UHRF2: variants seen among roughly 807,000 people sequenced by gnomAD.
UHRF2 encodes ubiquitin like with PHD and ring finger domains 2.
UHRF2 carries 23 observed loss-of-function variants against 96.8 expected under a neutral mutation model. That is an observed-to-expected ratio of 0.24 (90% CI 0.17 to 0.34). The LOEUF is 0.34. Among genes scored for constraint, UHRF2 ranks in the 10% least tolerant of loss-of-function variants. UHRF2 has a pLI of 1.00. For missense variants in UHRF2, 685 were observed against 981.5 expected (o/e 0.70, Z 4.04); for synonymous variants, 385 against 332.6 (o/e 1.16, Z -1.72).
At chr9:6,495,315 C>T (rs1164216359) in intron 10 of UHRF2, 1 of 152,150 alleles carries the variant, frequency 6.6e-6, no homozygotes, top group East Asian at 1.9e-4. Flanking sequence ...GAAATATCAA[C>T]TGAAAACAAT....
At chr9:6,466,593 T>A (rs1292354414) in intron 4 of UHRF2, among the ~76,000 whole-genome samples, 1 of 149,486 alleles carries the variant, frequency 6.7e-6, no homozygotes, top group South Asian at 2.1e-4. Flanking sequence ...CATTTTAGGT[T>A]CAGTGTCATT....
chr9:6,476,211 CTAT>C (rs1379283389), intron 5 of UHRF2, among the ~76,000 whole-genome samples: 2 of 152,106 alleles, frequency 1.3e-5, no homozygotes, highest in African/African-American at 4.8e-5. Context: ...TGAAAGGATT[CTAT>C]TATTTTTTAT....
At chr9:6,486,096 C>T (rs945322126) in intron 8 of UHRF2, among the ~76,000 whole-genome samples, 1 of 152,112 alleles carries the variant, frequency 6.6e-6, no homozygotes, top group African/African-American at 2.4e-5. Flanking sequence ...GGTAATAAAT[C>T]ATGTTGACTT....
intron 9 of UHRF2, among the ~76,000 whole-genome samples, chr9:6,488,394 A>T (rs1824442436): frequency 6.6e-6 from 1 of 150,652 alleles, no homozygotes; most frequent in African/African-American, 2.4e-5. Context: ...CAGAACCAGG[A>T]TATTGACACT....
At chr9:6,455,300 C>A (rs1161796136) in intron 3 of UHRF2, among the ~76,000 whole-genome samples, 3 of 152,140 alleles carry the variant, frequency 2.0e-5, no homozygotes, top group Non-Finnish European at 2.9e-5. Context: ...CTCTCCACCC[C>A]ACAACAGGCC....
chr9:6,424,657 G>A (rs1563744301), intron 2 of UHRF2, among the ~76,000 whole-genome samples: 2 of 151,846 alleles, frequency 1.3e-5, no homozygotes, highest in Non-Finnish European at 2.9e-5. Flanking sequence ...TGAAATTAAT[G>A]ACCCATATTT....
intron 8 of UHRF2, 67 bp from the exon 9 acceptor site, chr9:6,486,754 A>G (rs1824312939): frequency 6.7e-7 from 1 of 1,494,544 alleles, no homozygotes; most frequent in Non-Finnish European, 9.2e-7. Flanking sequence ...AATATATATG[A>G]AAGCATTTTG....
rs1171978950 is a variant in UHRF2, at chr9:6,487,182, C to CTTTTTTTTTTTTTTTT, written c.1497+267_1497+282dup. ...TCTATAGAGCTTTTATTTTTTTTTC[C>CTTTTTTTTTTTTTTTT]TTTTTTTTTTTTTTTTTTTTTTTTT... On this transcript the variant is annotated intron_variant, in intron 9 of 15. Transcript: ENST00000276893. 1.1e-3 allele frequency among the ~76,000 whole-genome samples: 74 copies of CTTTTTTTTTTTTTTTT among 69,586 alleles called. 4 individuals carry two copies. Among genetic ancestry groups the CTTTTTTTTTTTTTTTT allele is most frequent in the African/African-American group, 1.5e-3 (24 of 15,546 alleles). The allele number at this position is 69,586 out of a possible 152,430, so 45.7% of individuals were successfully genotyped here.
In UHRF2 at chr9:6,460,670, G is replaced by A. The variant is rs1343572579; in HGVS notation, c.742G>A (p.Val248Ile). The A allele has an allele frequency of 1.7e-5, 27 of 1,613,702 alleles. No individual in the cohort carries two copies. The highest frequency in any genetic ancestry group is 2.2e-5 in the Non-Finnish European group (26 of 1,179,978). ...KWNELNVGDV[V>I]MVNYNVESPG... ...GAATGAACTAAATGTTGGTGATGTG[G>A]TAATGGTTAATTATAATGTAGAAAG... is the stretch of plus-strand genomic sequence containing the variant. Residue 248 changes from valine to isoleucine, a missense_variant, in exon 4 of 16, where the codon GTA (valine) becomes ATA (isoleucine). Val to Ile is a conservative substitution (Grantham distance 29). Around this residue, in one of 6 missense-constraint regions of UHRF2, gnomAD observed 391 missense variants for 437.0 expected, o/e 0.89. Coordinates refer to ENST00000276893, the MANE Select transcript of UHRF2 (RefSeq NM_152896.3).
At chr9:6,471,480 A>G (rs774940111) in intron 4 of UHRF2, among the ~76,000 whole-genome samples, 26 of 152,142 alleles carry the variant, frequency 1.7e-4, no homozygotes, top group Non-Finnish European at 3.1e-4. Flanking sequence ...GTGATGCTGT[A>G]CCACTTCAAG....
intron 9 of UHRF2, among the ~76,000 whole-genome samples, chr9:6,488,069 T>G (rs1404668322): frequency 6.6e-6 from 1 of 150,936 alleles, no homozygotes; most frequent in African/African-American, 2.4e-5. Context: ...GGCAAAGCCC[T>G]GTCCCTACCA....
chr9:6,505,538 C>G (rs1816538195), intron 15 of UHRF2, among the ~76,000 whole-genome samples: 1 of 152,194 alleles, frequency 6.6e-6, no homozygotes. Context: ...CTAAGGTGAT[C>G]CACCTGCCTC....
intron 3 of UHRF2, among the ~76,000 whole-genome samples, chr9:6,456,366 C>T (rs1822175832): frequency 6.6e-6 from 1 of 152,106 alleles, no homozygotes; most frequent in African/African-American, 2.4e-5. Flanking sequence ...ATCCTTTGCC[C>T]ACTTTTTGAT....
At chr9:6,434,326 A>C in intron 3 of UHRF2, 153 bp downstream of exon 3, 1 of 857,092 alleles carries the variant, frequency 1.2e-6, no homozygotes, top group South Asian at 2.1e-5. Flanking sequence ...TTGTACTCTA[A>C]TTTAAAGGTC....
At chr9:6,435,955 G>C (rs1443335601) in intron 3 of UHRF2, among the ~76,000 whole-genome samples, 4 of 152,140 alleles carry the variant, frequency 2.6e-5, no homozygotes, top group African/African-American at 7.2e-5. Context: ...TTAAGAACTT[G>C]TCTTGAGGGT....
chr9:6,426,277 A>G lies in UHRF2; in HGVS notation c.384+5135A>G, dbSNP rs1244586637. On this transcript the variant is annotated intron_variant, in intron 2 of 15. Transcript: ENST00000276893. Reference sequence around the variant, plus strand: ...CTATTTGACATCTCTTCTATTTCCTATTACTATGTGGTATAGATGTTAAAG... The same window carrying G: ...CTATTTGACATCTCTTCTATTTCCTGTTACTATGTGGTATAGATGTTAAAG... Among the ~76,000 whole-genome samples, 7 of 152,276 alleles carry G rather than the reference A, an allele frequency of 4.6e-5. No individual in the cohort carries two copies. In the East Asian group the frequency reaches 5.8e-4, roughly 13 times the overall value.
chr9:6,433,607 A>G (rs1587783962), intron 2 of UHRF2, among the ~76,000 whole-genome samples: 3 of 152,244 alleles, frequency 2.0e-5, no homozygotes, highest in African/African-American at 7.2e-5. Flanking sequence ...ATGACTTGCA[A>G]GAATGACTCT....
rs369806441 is a variant in UHRF2, at chr9:6,460,565, C to G, written c.645-8C>G. Reference sequence around the variant, plus strand: ...AATCATAAGCCATATGGTTTTCTCTCTCCTCAGATACCCAGAAAGCGGTAC... The same window carrying G: ...AATCATAAGCCATATGGTTTTCTCTGTCCTCAGATACCCAGAAAGCGGTAC... On this transcript the variant is annotated splice_region_variant and splice_polypyrimidine_tract_variant and intron_variant, in intron 3 of 15. Transcript: ENST00000276893. 3.8e-6 allele frequency: 6 copies of G among 1,589,762 alleles called. No homozygotes were observed. The African/African-American group carries it at 4.0e-5, about 11-fold the overall frequency.
intron 3 of UHRF2, among the ~76,000 whole-genome samples, chr9:6,458,679 A>G (rs988964641): frequency 6.6e-6 from 1 of 152,220 alleles, no homozygotes; most frequent in Non-Finnish European, 1.5e-5. Flanking sequence ...ACCTAGAACC[A>G]GAAATACCAT....
Sources: gnomAD v4.1 joint callset for allele counts (sites outside exome capture counted in the v4.1 genomes callset) on GRCh38, gnomAD v4.1.1 for gene constraint, gnomAD v4.1.1 regional missense constraint, MANE v1.5 for transcripts, NCBI Gene and HGNC (gene_info 2026-07-23, HGNC 2026-07-21) for gene names.